Variants in PDGFC observed in about 807,000 individuals in gnomAD.
The protein encoded by PDGFC is platelet-derived growth factor C.
A neutral mutation model predicts 35.5 loss-of-function variants in PDGFC; 12 were observed. The ratio of observed to expected loss-of-function variants is 0.34; its 90% CI spans 0.22 to 0.55. The LOEUF is 0.55. Among genes scored for constraint, PDGFC ranks in the 20% least tolerant of loss-of-function variants. The pLI is 0.91. For synonymous variants in PDGFC, 159 were observed against 148.8 expected, an observed-to-expected ratio of 1.07 and a Z score of -0.50; for missense variants, 322 against 412.4, an observed-to-expected ratio of 0.78 and a Z score of 1.90.
At chr4:156,956,299 TAG>T (rs1235154383) in intron 1 of PDGFC, among the ~76,000 whole-genome samples, 1 of 152,074 alleles carries the variant, frequency 6.6e-6, no homozygotes, top group Non-Finnish European at 1.5e-5. Context: ...AACAACAATG[TAG>T]ACTTTCCTTA....
At chr4:156,963,526 A>G (rs998844641) in intron 1 of PDGFC, among the ~76,000 whole-genome samples, 1 of 152,010 alleles carries the variant, frequency 6.6e-6, no homozygotes, top group Non-Finnish European at 1.5e-5. Context: ...CAAAAAAAAA[A>G]TCACAGTCTG....
At chr4:156,950,602 CTCTG>C (rs1244009705) in intron 1 of PDGFC, among the ~76,000 whole-genome samples, 1 of 151,778 alleles carries the variant, frequency 6.6e-6, no homozygotes, top group Non-Finnish European at 1.5e-5. Context: ...TCTCCTGTTA[CTCTG>C]TCTTTTGTCA....
chr4:156,861,476 G>GATAT (rs771857737), intron 1 of PDGFC: 1 of 1,256,038 alleles, frequency 8.0e-7, no homozygotes, highest in South Asian at 1.3e-5. Context: ...CAGATGCTTG[G>GATAT]ATATAGTTCC....
chr4:156,954,036 A>C (rs1023558710), intron 1 of PDGFC, among the ~76,000 whole-genome samples: 4 of 151,974 alleles, frequency 2.6e-5, no homozygotes, highest in Admixed American at 2.0e-4. Context: ...AGGGGTACTG[A>C]ACATTTCTAT....
intron 1 of PDGFC, among the ~76,000 whole-genome samples, chr4:156,945,235 T>C (rs894333277): frequency 1.3e-5 from 2 of 150,994 alleles, no homozygotes; most frequent in Non-Finnish European, 3.0e-5. Context: ...TCTTGCTGCA[T>C]ATGTCATAAA....
At chr4:156,861,853 T>A (rs955083947) in intron 1 of PDGFC, among the ~76,000 whole-genome samples, 3 of 152,170 alleles carry the variant, frequency 2.0e-5, no homozygotes, top group African/African-American at 7.2e-5. Flanking sequence ...ACTAGCCAGA[T>A]ACTTTCATAT....
chr4:156,936,254 T>C (rs993137602), intron 1 of PDGFC, among the ~76,000 whole-genome samples: 5 of 152,124 alleles, frequency 3.3e-5, no homozygotes, highest in African/African-American at 1.2e-4. Context: ...AGGACCTTGT[T>C]CCCCTAGAGA....
At chr4:156,816,037 G>T (rs1732077410) in intron 2 of PDGFC, among the ~76,000 whole-genome samples, 1 of 152,172 alleles carries the variant, frequency 6.6e-6, no homozygotes, top group African/African-American at 2.4e-5. Context: ...AGGCCATGAG[G>T]ACGTCTTTCT....
chr4:156,793,647 T>G (rs972919356), intron 3 of PDGFC, among the ~76,000 whole-genome samples: 2 of 150,212 alleles, frequency 1.3e-5, no homozygotes, highest in Non-Finnish European at 3.0e-5. Context: ...GGCAAAAAAA[T>G]TTTTTAAATA....
chr4:156,763,129 C>T lies in PDGFC; in HGVS notation c.999G>A (p.Glu333=), dbSNP rs1373078053. ...TCCCTCTGCACACACAGTCACACTC[C>T]TCATGGTGCTCCAGGGCCACGTCGG... is the stretch of plus-strand genomic sequence containing the variant. The part of the protein sequence containing the change: ...SLTDVALEHH[E]ECDCVCRGST... Residue 333 remains glutamate, a synonymous_variant, in exon 6 of 6, where the codon GAG becomes GAA. Coordinates refer to ENST00000502773, the MANE Select transcript of PDGFC (RefSeq NM_016205.3). 1.9e-6 allele frequency: 3 copies of T among 1,612,088 alleles called. No homozygotes were observed. The highest frequency in any genetic ancestry group is 1.1e-5 in the South Asian group (1 of 91,050).
chr4:156,774,840 A>C (rs2110824987), intron 3 of PDGFC, among the ~76,000 whole-genome samples: 1 of 152,090 alleles, frequency 6.6e-6, no homozygotes, highest in African/African-American at 2.4e-5. Context: ...TTTTTAAATA[A>C]GTTTTATTTT....
chr4:156,871,687 T>G (rs531977906), intron 1 of PDGFC, among the ~76,000 whole-genome samples: 1 of 152,266 alleles, frequency 6.6e-6, no homozygotes, highest in Non-Finnish European at 1.5e-5. Flanking sequence ...TTGCTTAGAA[T>G]ATACTATATA....
At chr4:156,942,480 A>T (rs1459430691) in intron 1 of PDGFC, among the ~76,000 whole-genome samples, 6 of 152,000 alleles carry the variant, frequency 3.9e-5, no homozygotes, top group African/African-American at 1.4e-4. Flanking sequence ...TTTTTCTAGT[A>T]ACACTACAGC....
intron 2 of PDGFC, among the ~76,000 whole-genome samples, chr4:156,826,081 T>C (rs1031873910): frequency 6.7e-6 from 1 of 149,972 alleles, no homozygotes; most frequent in South Asian, 2.1e-4. Flanking sequence ...CCTAGGCTGC[T>C]GCTCAAACCC....
chr4:156,813,710 T>C (rs975311045), intron 2 of PDGFC, among the ~76,000 whole-genome samples: 2 of 152,112 alleles, frequency 1.3e-5, no homozygotes, highest in African/African-American at 4.8e-5. Context: ...AATAAGACAT[T>C]GGATTATTTG....
At chr4:156,767,142 T>A (rs1467514123) in intron 5 of PDGFC, among the ~76,000 whole-genome samples, 1 of 151,948 alleles carries the variant, frequency 6.6e-6, no homozygotes, top group Non-Finnish European at 1.5e-5. Flanking sequence ...GGAGACTCCA[T>A]CACTAAGAAA....
chr4:156,851,619 A>G (rs1729454554), intron 1 of PDGFC, among the ~76,000 whole-genome samples: 1 of 152,110 alleles, frequency 6.6e-6, no homozygotes, highest in South Asian at 2.1e-4. Flanking sequence ...AAAATGTAAG[A>G]ACTAGGCTAG....
At chr4:156,897,771 G>A (rs1038707445) in intron 1 of PDGFC, among the ~76,000 whole-genome samples, 1 of 151,958 alleles carries the variant, frequency 6.6e-6, no homozygotes, top group Non-Finnish European at 1.5e-5. Context: ...GAAGATACTC[G>A]CTAATGAATA....
At position 156,762,311 on chromosome 4, in the gene PDGFC, T is replaced by C. The variant is rs1232563196; in HGVS notation, c.*779A>G. ...GAATATTAAATACCTTTGGTAAAAA[T>C]AGATATATTTAACAAGATTAGAAAA... On this transcript the variant is annotated 3_prime_UTR_variant, in exon 6 of 6. Transcript: ENST00000502773. 1 of 152,538 alleles carries C rather than the reference T, an allele frequency of 6.6e-6. No homozygotes were observed. Among genetic ancestry groups the C allele is most frequent in the Non-Finnish European group, 1.5e-5 (1 of 68,020 alleles). The allele number at this position is 152,538 out of a possible 1,614,324, so 9.4% of individuals were successfully genotyped here.
Sources: gnomAD v4.1 joint callset for allele counts (sites outside exome capture counted in the v4.1 genomes callset) on GRCh38, gnomAD v4.1.1 for gene constraint, MANE v1.5 for transcripts, NCBI Gene and HGNC (gene_info 2026-07-23, HGNC 2026-07-21) for gene names.